The following TRPC6 variants were observed in gnomAD, a reference collection of about 807,000 sequenced individuals.
TRPC6 encodes the protein transient receptor potential cation channel subfamily C member 6.
A neutral mutation model predicts 90.7 loss-of-function variants in TRPC6; 55 were observed. That is an observed-to-expected ratio of 0.61 (90% CI 0.49 to 0.76). The LOEUF is 0.76. Ranked by LOEUF, TRPC6 falls within the 30% of genes least tolerant of loss-of-function variation. The pLI, the probability that TRPC6 is intolerant of heterozygous loss-of-function variation, is 0.00. For synonymous variants in TRPC6, 393 were observed against 393.0 expected (o/e 1.00, Z 0.00); for missense variants, 989 against 1,122.7 (o/e 0.88, Z 1.70).
chr11:101,455,209 C>G (rs1565442152), intron 10 of TRPC6, 108 bp from the exon 11 acceptor site: 1 of 856,696 alleles, frequency 1.2e-6, no homozygotes, highest in Non-Finnish European at 1.9e-6. Flanking sequence ...CACAAATTAT[C>G]TATATGTATA....
intron 1 of TRPC6, among the ~76,000 whole-genome samples, chr11:101,509,376 G>A (rs553845833): frequency 6.6e-4 from 100 of 152,030 alleles, no homozygotes; most frequent in Middle Eastern, 6.8e-3. Flanking sequence ...GGGATTACAG[G>A]TATGAGCCAC....
intron 1 of TRPC6, among the ~76,000 whole-genome samples, chr11:101,561,167 T>C (rs1466186329): frequency 6.6e-6 from 1 of 152,102 alleles, no homozygotes; most frequent in Non-Finnish European, 1.5e-5. Context: ...TGATAAAGTA[T>C]CAATTCTATC....
intron 10 of TRPC6, among the ~76,000 whole-genome samples, chr11:101,462,391 T>C (rs1859025910): frequency 6.6e-6 from 1 of 152,242 alleles, no homozygotes; most frequent in South Asian, 2.1e-4. Context: ...ATCTGTAAAT[T>C]ACTTTGGGCA....
At chr11:101,551,761 A>G (rs1348424318) in intron 1 of TRPC6, among the ~76,000 whole-genome samples, 1 of 152,072 alleles carries the variant, frequency 6.6e-6, no homozygotes, top group Non-Finnish European at 1.5e-5. Context: ...TCCAAACTAT[A>G]TTTTCAAGGA....
chr11:101,456,878 A>C (rs1332555616), intron 10 of TRPC6, among the ~76,000 whole-genome samples: 1 of 152,192 alleles, frequency 6.6e-6, no homozygotes, highest in East Asian at 1.9e-4. Context: ...TATTTTCAGA[A>C]AAAAATTCTA....
intron 1 of TRPC6, among the ~76,000 whole-genome samples, chr11:101,533,680 T>C (rs964570898): frequency 2.0e-5 from 3 of 152,198 alleles, no homozygotes; most frequent in African/African-American, 7.2e-5. Context: ...TAAATTTAAC[T>C]GGGGCTTTGC....
intron 6 of TRPC6, among the ~76,000 whole-genome samples, chr11:101,475,178 A>C (rs1015317094): frequency 2.0e-5 from 3 of 152,116 alleles, no homozygotes; most frequent in African/African-American, 7.2e-5. Flanking sequence ...TTCTCAACTA[A>C]TTCTAAGCCT....
intron 5 of TRPC6, among the ~76,000 whole-genome samples, chr11:101,476,799 A>G (rs145157274): frequency 2.0e-5 from 3 of 152,320 alleles, no homozygotes; most frequent in Non-Finnish European, 4.4e-5. Context: ...CCACACATAA[A>G]AATATATTTA....
intron 1 of TRPC6, among the ~76,000 whole-genome samples, chr11:101,541,286 T>C (rs905172945): frequency 6.6e-5 from 10 of 152,340 alleles, no homozygotes; most frequent in South Asian, 4.1e-4. Flanking sequence ...CATCCAATTA[T>C]GTGAGGTTTT....
At chr11:101,540,639 T>G (rs1177022900) in intron 1 of TRPC6, among the ~76,000 whole-genome samples, 2 of 152,218 alleles carry the variant, frequency 1.3e-5, no homozygotes, top group Non-Finnish European at 2.9e-5. Context: ...AGAAAAAACA[T>G]GTACACATAA....
intron 1 of TRPC6, among the ~76,000 whole-genome samples, chr11:101,539,264 C>T (rs999990606): frequency 1.1e-4 from 17 of 152,198 alleles, no homozygotes; most frequent in Non-Finnish European, 2.1e-4. Context: ...ACTGCTCCAA[C>T]TCTGAGGCTA....
Position 101,558,018 on chromosome 11 carries a change from A to G in TRPC6, c.170+25316T>C, listed in dbSNP as rs78481627. On this transcript the variant is annotated intron_variant, in intron 1 of 12. Coordinates refer to ENST00000344327, the MANE Select transcript of TRPC6 (RefSeq NM_004621.6). ...AATTCCAATGTCATTTTTCATAAAA[A>G]GAGAAAAACAGTCCTAAAATTCATA... 2.3e-3 allele frequency among the ~76,000 whole-genome samples: 344 copies of G among 152,168 alleles called. 7 individuals carry two copies. In the East Asian group the frequency reaches 0.063, roughly 28 times the overall value.
At chr11:101,559,809 G>C (rs1440457227) in intron 1 of TRPC6, among the ~76,000 whole-genome samples, 1 of 107,974 alleles carries the variant, frequency 9.3e-6, no homozygotes. Flanking sequence ...AACAGGCCCC[G>C]GTGTGTGATG....
chr11:101,461,433 G>T (rs958119776), intron 10 of TRPC6, among the ~76,000 whole-genome samples: 1 of 152,064 alleles, frequency 6.6e-6, no homozygotes, highest in Non-Finnish European at 1.5e-5. Flanking sequence ...TTAGCCAGGC[G>T]TGGTGGTGCT....
At chr11:101,582,307 G>A (rs1030667637) in intron 1 of TRPC6, among the ~76,000 whole-genome samples, 5 of 152,138 alleles carry the variant, frequency 3.3e-5, no homozygotes, top group African/African-American at 1.2e-4. Context: ...TCTATCAGGA[G>A]GGTCTGCCAG....
intron 1 of TRPC6, among the ~76,000 whole-genome samples, chr11:101,581,035 G>A (rs1456576011): frequency 6.6e-6 from 1 of 152,166 alleles, no homozygotes; most frequent in African/African-American, 2.4e-5. Context: ...TGGATGAAAT[G>A]TAACTATAGA....
intron 2 of TRPC6, among the ~76,000 whole-genome samples, chr11:101,495,615 T>C (rs1255310819): frequency 6.8e-6 from 1 of 146,002 alleles, no homozygotes; most frequent in African/African-American, 2.5e-5. Flanking sequence ...TTATTATTAT[T>C]ATTATTATTA....
At chr11:101,456,901 T>C (rs761592605) in intron 10 of TRPC6, among the ~76,000 whole-genome samples, 6 of 152,186 alleles carry the variant, frequency 3.9e-5, no homozygotes, top group Non-Finnish European at 8.8e-5. Flanking sequence ...CAGTTTCTAA[T>C]ACATCATAGA....
intron 1 of TRPC6, among the ~76,000 whole-genome samples, chr11:101,512,769 T>C (rs1185698444): frequency 6.6e-6 from 1 of 152,178 alleles, no homozygotes. Flanking sequence ...TTAAAAAGTT[T>C]CTTTGTAATA....
Sources: gnomAD v4.1 joint callset for allele counts (sites outside exome capture counted in the v4.1 genomes callset) on GRCh38, gnomAD v4.1.1 for gene constraint, MANE v1.5 for transcripts, NCBI Gene and HGNC (gene_info 2026-07-23, HGNC 2026-07-21) for gene names.